The following TMEM271 variants were observed in gnomAD, a reference collection of about 807,000 sequenced individuals.
TMEM271 encodes transmembrane protein 271.
Position 574,708 on chromosome 4 carries a change from G to A in TMEM271, c.*197C>T. 2 of 390,548 alleles carry A rather than the reference G, an allele frequency of 5.1e-6. No individual in the cohort carries two copies. Among genetic ancestry groups the A allele is most frequent in the Non-Finnish European group, 9.0e-6 (2 of 221,332 alleles). 24.2% of individuals were successfully genotyped at this position (390,548 alleles called of 1,614,324 possible). A position where few individuals can be genotyped will look rare whatever the true frequency, so the allele number is the denominator to read the frequency against. On this transcript the variant is annotated 3_prime_UTR_variant, in exon 1 of 1. Coordinates refer to ENST00000610212, the MANE Select transcript of TMEM271 (RefSeq NM_001362796.2). The stretch of plus-strand genomic sequence containing the variant: ...AGATACAGAAATGGTCACATCAGGG[G>A]CCCCCTCCTGTGGTCACGGAGCCCG...
rs62295350 is a variant in TMEM271 at position 574,549 on chromosome 4, C to A, written c.*356G>T. On this transcript the variant is annotated 3_prime_UTR_variant, in exon 1 of 1. Transcript: ENST00000610212. The stretch of plus-strand genomic sequence containing the variant: ...CTCGCTCTGTCCCCCTCGCCTCGGA[C>A]CACCAGGCAGAGCAGCCCCAGGGTT... 0.26 allele frequency: 50,638 copies of A among 192,384 alleles called. 8,185 individuals carry two copies. The highest frequency in any genetic ancestry group is 0.35 in the Non-Finnish European group (33,592 of 94,880). 11.9% of individuals were successfully genotyped at this position (192,384 alleles called of 1,614,324 possible).
In TMEM271 at chr4:575,223, G is replaced by A. The variant is rs1006220092; in HGVS notation, c.840C>T (p.Arg280=). Residue 280 remains arginine (R), a synonymous_variant, in exon 1 of 1, where the codon CGC becomes CGT. Coordinates refer to ENST00000610212, the MANE Select transcript of TMEM271 (RefSeq NM_001362796.2). ...GCCCCCGCCGGCCCCGCCGGCCCCG[G>A]CGCGCCCGAGAGGCGGGCGGCTGCG... ...LRAQPPASRA[R]RGRRGRRGRR... 14 of 275,038 alleles carry A rather than the reference G, an allele frequency of 5.1e-5. No individual in the cohort carries two copies. Among genetic ancestry groups the A allele is most frequent in the Non-Finnish European group, 8.8e-5 (13 of 147,884 alleles). The allele number at this position is 275,038 out of a possible 1,614,324, so 17.0% of individuals were successfully genotyped here. A position where few individuals can be genotyped will look rare whatever the true frequency, so the allele number is the denominator to read the frequency against.
Position 575,258 on chromosome 4 carries a change from C to G in TMEM271, c.805G>C (p.Gly269Arg), listed in dbSNP as rs1201274584. 1 of 163,188 alleles carries G rather than the reference C, an allele frequency of 6.1e-6. No homozygotes were observed. The highest frequency in any genetic ancestry group is 1.3e-5 in the Non-Finnish European group (1 of 77,038). The allele number at this position is 163,188 out of a possible 1,614,324, so 10.1% of individuals were successfully genotyped here. ...GAGGCGGGCGGCTGCGCGCGGAGCCCGGAGCCGCCGCGGGGCCGCGCCAGG... is the reference window on the plus strand; with the variant it reads ...GAGGCGGGCGGCTGCGCGCGGAGCCGGGAGCCGCCGCGGGGCCGCGCCAGG... ...RALARPRGGS[G>R]LRAQPPASRA... Residue 269 changes from glycine to arginine, a missense_variant, in exon 1 of 1, where the codon GGG becomes CGG. Gly to Arg is a moderately radical substitution (Grantham distance 125). Transcript: ENST00000610212.
rs1004312919 is a variant in TMEM271 at position 574,080 on chromosome 4, A to G, written c.*825T>C. 1 of 152,160 alleles carries G rather than the reference A, an allele frequency of 6.6e-6. No individual in the cohort carries two copies. The highest frequency in any genetic ancestry group is 2.4e-5 in the African/African-American group (1 of 41,428). The allele number at this position is 152,160 out of a possible 1,614,324, so 9.4% of individuals were successfully genotyped here. A position where few individuals can be genotyped will look rare whatever the true frequency, so the allele number is the denominator to read the frequency against. Reference sequence around the variant, plus strand: ...AACCACACAACCAGTTTCCAAAAAAAAAAAAAGAAAAGAAAAAAGAAATGT... The same window carrying G: ...AACCACACAACCAGTTTCCAAAAAAGAAAAAAGAAAAGAAAAAAGAAATGT... On this transcript the variant is annotated 3_prime_UTR_variant, in exon 1 of 1. Transcript: ENST00000610212.
rs1347199619 is a variant in TMEM271 at position 574,365 on chromosome 4, T to C, written c.*540A>G. The stretch of plus-strand genomic sequence containing the variant: ...CAATAAATTTACCAAACATTTTCAC[T>C]ATTTATGGAGAGCTTTACAGTAAGA... On this transcript the variant is annotated 3_prime_UTR_variant, in exon 1 of 1. Transcript: ENST00000610212. The C allele has an allele frequency of 1.3e-5, 2 of 152,352 alleles. No individual in the cohort carries two copies. Among genetic ancestry groups the C allele is most frequent in the Non-Finnish European group, 2.9e-5 (2 of 68,116 alleles). The allele number at this position is 152,352 out of a possible 1,614,324, so 9.4% of individuals were successfully genotyped here. A position where few individuals can be genotyped will look rare whatever the true frequency, so the allele number is the denominator to read the frequency against.
chr4:575,208 G>C lies in TMEM271; in HGVS notation c.855C>G (p.Gly285=), dbSNP rs1025780215. The C allele has an allele frequency of 2.4e-5, 8 of 335,846 alleles. No homozygotes were observed. Among genetic ancestry groups the C allele is most frequent in the Non-Finnish European group, 3.8e-5 (7 of 186,662 alleles). The allele number at this position is 335,846 out of a possible 1,614,324, so 20.8% of individuals were successfully genotyped here. Residue 285 remains glycine, a synonymous_variant, in exon 1 of 1, where the codon GGC becomes GGG. Coordinates refer to ENST00000610212, the MANE Select transcript of TMEM271 (RefSeq NM_001362796.2). ...GCTGCTGCAGCCGCCGCCCCCGCCG[G>C]CCCCGCCGGCCCCGGCGCGCCCGAG... ...PASRARRGRR[G]RRGRRLQQRP... is the part of the protein sequence containing the mutation.
Position 574,671 on chromosome 4 carries a change from G to A in TMEM271, c.*234C>T. The stretch of plus-strand genomic sequence containing the variant: ...CAGATATGAACGACACAAATAAGAA[G>A]AGAAACCTCCCAGATACAGAAATGG... On this transcript the variant is annotated 3_prime_UTR_variant, in exon 1 of 1. Coordinates refer to ENST00000610212, the MANE Select transcript of TMEM271 (RefSeq NM_001362796.2). 2 of 385,000 alleles carry A rather than the reference G, an allele frequency of 5.2e-6. No homozygotes were observed. Among genetic ancestry groups the A allele is most frequent in the Non-Finnish European group, 9.2e-6 (2 of 217,864 alleles). 23.8% of individuals were successfully genotyped at this position (385,000 alleles called of 1,614,324 possible).
Position 574,848 on chromosome 4 carries a change from G to C in TMEM271, c.*57C>G, listed in dbSNP as rs1732402267. The C allele has an allele frequency of 7.6e-6, 3 of 394,778 alleles. No individual in the cohort carries two copies. Among genetic ancestry groups the C allele is most frequent in the South Asian group, 1.3e-4 (1 of 7,754 alleles). The allele number at this position is 394,778 out of a possible 1,614,324, so 24.5% of individuals were successfully genotyped here. ...TCCCTTGCCGCGGGGGTCCTGAGCGGGGCGGGGTGGGTGGAACGCAAGCGC... is the reference window on the plus strand; with the variant it reads ...TCCCTTGCCGCGGGGGTCCTGAGCGCGGCGGGGTGGGTGGAACGCAAGCGC... On this transcript the variant is annotated 3_prime_UTR_variant, in exon 1 of 1. Transcript: ENST00000610212.
In TMEM271 at chr4:574,734, C is replaced by G. The variant is rs1241335676; in HGVS notation, c.*171G>C. The stretch of plus-strand genomic sequence containing the variant: ...CCCCCTCCTGTGGTCACGGAGCCCG[C>G]AGAGGGGGCCAGGCCGGAGGCTGCA... On this transcript the variant is annotated 3_prime_UTR_variant, in exon 1 of 1. Transcript: ENST00000610212. 5.1e-6 allele frequency: 2 copies of G among 391,484 alleles called. No individual in the cohort carries two copies. The highest frequency in any genetic ancestry group is 4.1e-5 in the African/African-American group (2 of 48,332). 24.3% of individuals were successfully genotyped at this position (391,484 alleles called of 1,614,324 possible).
At position 575,461 on chromosome 4, in the gene TMEM271, T is replaced by C; in HGVS notation, c.602A>G (p.Asp201Gly). 3.8e-6 allele frequency: 1 copy of C among 264,496 alleles called. No individual in the cohort carries two copies. Among genetic ancestry groups the C allele is most frequent in the Non-Finnish European group, 7.1e-6 (1 of 140,770 alleles). 16.4% of individuals were successfully genotyped at this position (264,496 alleles called of 1,614,324 possible). ...GCGGCACTTGGCGGACGTGGCGCTG[T>C]CCAGGGTGCTGCGAGCGCGCGGGGC... The part of the protein sequence containing the change: ...PGAPRARSTL[D>G]SATSAKCRQL... Residue 201 changes from aspartate (D) to glycine (G), a missense_variant, in exon 1 of 1, where the codon GAC (aspartate) becomes GGC (glycine). Asp to Gly is a moderately conservative substitution (Grantham distance 94). Transcript: ENST00000610212.
chr4:575,602 G>C lies in TMEM271; in HGVS notation c.461C>G (p.Ser154Trp). ...CGCCCGCGGGGGCAGGCAGTAGTGCGAGTACTTGCGCTCCACCAGGGACAC... is the reference window on the plus strand; with the variant it reads ...CGCCCGCGGGGGCAGGCAGTAGTGCCAGTACTTGCGCTCCACCAGGGACAC... ...DTVSLVERKYSHYCLPPRAPG... is the reference protein window; with the variant it reads ...DTVSLVERKYWHYCLPPRAPG... The change falls in exon 1 of 1, where the codon TCG (serine) becomes TGG (tryptophan). Residue 154 changes from serine to tryptophan, a missense_variant. Physicochemically the swap from Ser to Trp is radical, Grantham distance 177. Coordinates refer to ENST00000610212, the MANE Select transcript of TMEM271 (RefSeq NM_001362796.2). 1 of 353,956 alleles carries C rather than the reference G, an allele frequency of 2.8e-6. No individual in the cohort carries two copies. The highest frequency in any genetic ancestry group is 5.1e-6 in the Non-Finnish European group (1 of 197,060). The allele number at this position is 353,956 out of a possible 1,614,324, so 21.9% of individuals were successfully genotyped here.
Position 576,232 on chromosome 4 carries a change from CCCGCCGCCG to C in TMEM271, c.-179_-171del, listed in dbSNP as rs531659290. On this transcript the variant is annotated 5_prime_UTR_variant, in exon 1 of 1. Transcript: ENST00000610212. ...CCGCCGGAGCCCGCATCCTCCGCCT[CCCGCCGCCG>C]CCGCCGCCGCCGCCGCCGCCGCGAC... 246 of 149,298 alleles carry C rather than the reference CCCGCCGCCG, an allele frequency of 1.6e-3. No homozygotes were observed. Among genetic ancestry groups the C allele is most frequent in the Middle Eastern group, 3.5e-3 (1 of 286 alleles). The allele number at this position is 149,298 out of a possible 1,614,324, so 9.2% of individuals were successfully genotyped here.
chr4:574,585 A>C lies in TMEM271; in HGVS notation c.*320T>G. ...AGCAGCCCCAGGGTTTGGACTTGCC[A>C]AGAAAAGTGCAGTCGGGCTAGCCAA... On this transcript the variant is annotated 3_prime_UTR_variant, in exon 1 of 1. Transcript: ENST00000610212. 4.3e-6 allele frequency: 1 copy of C among 234,044 alleles called. No individual in the cohort carries two copies. The highest frequency in any genetic ancestry group is 8.2e-6 in the Non-Finnish European group (1 of 121,758). 14.5% of individuals were successfully genotyped at this position (234,044 alleles called of 1,614,324 possible).
Position 575,727 on chromosome 4 carries a change from CG to C in TMEM271, c.335del (p.Pro112ArgfsTer4). On this transcript the variant is annotated frameshift_variant, in exon 1 of 1. Coordinates refer to ENST00000610212, the MANE Select transcript of TMEM271 (RefSeq NM_001362796.2). LOFTEE classifies it high-confidence loss of function. The part of the protein sequence containing the change: ...PGESGAAAGA[P>X]GPVSSQNLLL... ...GCAGGTTCTGGCTGCTCACCGGCCC[CG>C]GGGCCCCGGCCGCGGCCCCCGACTC... The C allele has an allele frequency of 2.9e-6, 1 of 350,092 alleles. No individual in the cohort carries two copies. Among genetic ancestry groups the C allele is most frequent in the East Asian group, 4.2e-5 (1 of 23,996 alleles). 21.7% of individuals were successfully genotyped at this position (350,092 alleles called of 1,614,324 possible). A position where few individuals can be genotyped will look rare whatever the true frequency, so the allele number is the denominator to read the frequency against.
At position 573,886 on chromosome 4, in the gene TMEM271, C is replaced by A. The variant is rs1485392053; in HGVS notation, c.*1019G>T. 6.6e-6 allele frequency: 1 copy of A among 151,994 alleles called. No homozygotes were observed. Among genetic ancestry groups the A allele is most frequent in the Non-Finnish European group, 1.5e-5 (1 of 68,018 alleles). The allele number at this position is 151,994 out of a possible 1,614,324, so 9.4% of individuals were successfully genotyped here. ...AGTATGACCTTCACATCAATTAAGG[C>A]GATTACGGGGTATATTTGAAATGAA... On this transcript the variant is annotated 3_prime_UTR_variant, in exon 1 of 1. Transcript: ENST00000610212.
At position 574,932 on chromosome 4, in the gene TMEM271, C is replaced by A. The variant is rs1479652888; in HGVS notation, c.1131G>T (p.Arg377=). Reference sequence around the variant, plus strand: ...AGCAGGCCCGATGGGTCTCCCAGGGCCGCGGCGTCTCGCAGGGCGGCCGGC... The same window carrying A: ...AGCAGGCCCGATGGGTCTCCCAGGGACGCGGCGTCTCGCAGGGCGGCCGGC... ...YCCRPPCETP[R]PWETHRAC Residue 377 remains arginine, a synonymous_variant, in exon 1 of 1, where the codon CGG becomes CGT. Transcript: ENST00000610212. 2 of 396,752 alleles carry A rather than the reference C, an allele frequency of 5.0e-6. No individual in the cohort carries two copies. The highest frequency in any genetic ancestry group is 8.9e-6 in the Non-Finnish European group (2 of 224,886). 24.6% of individuals were successfully genotyped at this position (396,752 alleles called of 1,614,324 possible).
Position 576,052 on chromosome 4 carries a change from C to T in TMEM271, c.11G>A (p.Ser4Asn). The T allele has an allele frequency of 3.0e-6, 1 of 329,934 alleles. No homozygotes were observed. The highest frequency in any genetic ancestry group is 5.5e-6 in the Non-Finnish European group (1 of 182,204). The allele number at this position is 329,934 out of a possible 1,614,324, so 20.4% of individuals were successfully genotyped here. The stretch of plus-strand genomic sequence containing the variant: ...GAGCGCGGCGCAGGCCCCGCGGACG[C>T]TCCACTTCATCCTCCGCGCCCGAGC... MKW[S>N]VRGACAALSS... The change falls in exon 1 of 1, where the codon AGC (serine) becomes AAC (asparagine). Residue 4 changes from serine (S) to asparagine (N), a missense_variant. By Grantham distance (46) the Ser-to-Asn change is conservative (BLOSUM62 1). Transcript: ENST00000610212.
chr4:574,562 C>A lies in TMEM271; in HGVS notation c.*343G>T. On this transcript the variant is annotated 3_prime_UTR_variant, in exon 1 of 1. Coordinates refer to ENST00000610212, the MANE Select transcript of TMEM271 (RefSeq NM_001362796.2). ...CCTCGCCTCGGACCACCAGGCAGAG[C>A]AGCCCCAGGGTTTGGACTTGCCAAG... is the stretch of plus-strand genomic sequence containing the variant. 1 of 203,920 alleles carries A rather than the reference C, an allele frequency of 4.9e-6. No individual in the cohort carries two copies. 12.6% of individuals were successfully genotyped at this position (203,920 alleles called of 1,614,324 possible).
Position 575,382 on chromosome 4 carries a change from A to C in TMEM271, c.681T>G (p.Leu227=), listed in dbSNP as rs1732413518. 1.1e-5 allele frequency: 3 copies of C among 276,138 alleles called. No individual in the cohort carries two copies. In the South Asian group the frequency reaches 4.4e-4, roughly 40 times the overall value. 17.1% of individuals were successfully genotyped at this position (276,138 alleles called of 1,614,324 possible). A position where few individuals can be genotyped will look rare whatever the true frequency, so the allele number is the denominator to read the frequency against. Residue 227 remains leucine (L), a synonymous_variant, in exon 1 of 1, where the codon CTT becomes CTG. Coordinates refer to ENST00000610212, the MANE Select transcript of TMEM271 (RefSeq NM_001362796.2). ...GGCTGAGCAGGCCCAGCAGGCACTC[A>C]AGCGAGTTGAAGACGGTGGAGAGCA... ...GLVLSTVFNS[L]ECLLGLLSLL... is the part of the protein sequence containing the mutation.
Sources: gnomAD v4.1 joint callset for allele counts on GRCh38, gnomAD v4.1.1 for gene constraint, MANE v1.5 for transcripts, NCBI Gene and HGNC (gene_info 2026-07-23, HGNC 2026-07-21) for gene names.